The following ADGRL3 variants were observed in gnomAD, a reference collection of about 807,000 sequenced individuals.
The protein encoded by ADGRL3 is adhesion G protein-coupled receptor L3, also known as calcium-independent alpha-latrotoxin receptor 3.
In ADGRL3, 62 loss-of-function variants were observed where a neutral mutation model predicts 153.5. The ratio of observed to expected loss-of-function variants is 0.40; its 90% CI spans 0.33 to 0.50. The LOEUF (loss-of-function observed/expected upper bound fraction) is 0.50. ADGRL3 is among the 20% of genes least tolerant of loss of function. The probability of loss-of-function intolerance (pLI) is 0.47; values close to 1 mark genes in which losing one functional copy is unlikely to be tolerated. For synonymous variants in ADGRL3, 710 were observed against 672.5 expected, an observed-to-expected ratio of 1.06 and a Z score of -0.86; for missense variants, 1,641 against 1,859.4, an observed-to-expected ratio of 0.88 and a Z score of 2.16.
intron 24 of ADGRL3, among the ~76,000 whole-genome samples, chr4:62,042,347 G>T (rs1728825498): frequency 6.6e-6 from 1 of 151,876 alleles, no homozygotes; most frequent in Admixed American, 6.6e-5. Context: ...AGGGGAAAAG[G>T]GACTGAGATG....
intron 1 of ADGRL3, among the ~76,000 whole-genome samples, chr4:61,256,273 C>T (rs1033202032): frequency 6.6e-6 from 1 of 151,934 alleles, no homozygotes; most frequent in African/African-American, 2.4e-5. Context: ...TTTTCTTTAT[C>T]CTTTACTTTT....
intron 5 of ADGRL3, among the ~76,000 whole-genome samples, chr4:61,652,739 C>G (rs1013795447): frequency 6.6e-6 from 1 of 152,136 alleles, no homozygotes; most frequent in Admixed American, 6.6e-5. Context: ...ATATTTCTGT[C>G]ATAATTATAA....
chr4:62,015,527 C>T (rs1354862526), intron 21 of ADGRL3, among the ~76,000 whole-genome samples: 2 of 152,058 alleles, frequency 1.3e-5, no homozygotes, highest in Non-Finnish European at 2.9e-5. Flanking sequence ...AAAGGTAGCA[C>T]ATTTTCTTTG....
At chr4:62,055,299 C>T (rs969043243) in intron 25 of ADGRL3, among the ~76,000 whole-genome samples, 14 of 151,914 alleles carry the variant, frequency 9.2e-5, no homozygotes, top group Non-Finnish European at 1.3e-4. Flanking sequence ...CTAACAATAA[C>T]TTAATCTGTA....
At chr4:61,639,324 G>A (rs1406268308) in intron 5 of ADGRL3, among the ~76,000 whole-genome samples, 1 of 151,888 alleles carries the variant, frequency 6.6e-6, no homozygotes, top group Non-Finnish European at 1.5e-5. Flanking sequence ...ATATGAGTTT[G>A]GGATGATGTT....
chr4:61,874,490 A>T (rs1280221321), intron 9 of ADGRL3, among the ~76,000 whole-genome samples: 1 of 152,060 alleles, frequency 6.6e-6, no homozygotes, highest in African/African-American at 2.4e-5. Context: ...CTCCACCCAC[A>T]TTCAAGGGGT....
intron 25 of ADGRL3, chr4:62,063,477 TCTCTGTC>T: frequency 3.2e-6 from 2 of 626,766 alleles, no homozygotes; most frequent in South Asian, 1.9e-5. Flanking sequence ...TTTTTTTTTT[TCTCTGTC>T]TTTCTATGGG....
chr4:61,886,850 T>C (rs947202817), intron 9 of ADGRL3, among the ~76,000 whole-genome samples: 9 of 151,776 alleles, frequency 5.9e-5, no homozygotes, highest in Non-Finnish European at 1.3e-4. Flanking sequence ...TTTAGCCATG[T>C]TGGCCAGGCT....
At chr4:61,816,399 A>G (rs2097688928) in intron 9 of ADGRL3, among the ~76,000 whole-genome samples, 1 of 152,190 alleles carries the variant, frequency 6.6e-6, no homozygotes, top group Non-Finnish European at 1.5e-5. Flanking sequence ...GGTGATGGTC[A>G]CATGTCTCTC....
intron 8 of ADGRL3, among the ~76,000 whole-genome samples, chr4:61,754,064 T>C (rs1355904401): frequency 1.3e-5 from 2 of 152,196 alleles, no homozygotes; most frequent in Non-Finnish European, 2.9e-5. Flanking sequence ...AGGCTGAGAA[T>C]TCTGTAAGCC....
intron 1 of ADGRL3, among the ~76,000 whole-genome samples, chr4:61,350,037 A>G (rs944073198): frequency 8.0e-4 from 122 of 152,312 alleles, no homozygotes; most frequent in African/African-American, 2.7e-3. Flanking sequence ...GATATATTTC[A>G]TTATTTGAAA....
chr4:61,993,551 C>G (rs200081339), intron 19 of ADGRL3, among the ~76,000 whole-genome samples: 1 of 151,966 alleles, frequency 6.6e-6, no homozygotes, highest in African/African-American at 2.4e-5. Flanking sequence ...CTCGGCCTCC[C>G]AAAGTGTTGG....
chr4:61,692,251 C>T lies in ADGRL3; in HGVS notation c.583+15316C>T, dbSNP rs372619118. On this transcript the variant is annotated intron_variant, in intron 6 of 26. Coordinates refer to ENST00000683033, the MANE Select transcript of ADGRL3 (RefSeq NM_001387552.1). ...GGATTTTTATTTTAAACATAAGGAA[C>T]ATAGAAAAAGAATTAGGTAGCTTGT... is the stretch of plus-strand genomic sequence containing the variant. Among the ~76,000 whole-genome samples the T allele has an allele frequency of 1.6e-4, 25 of 152,082 alleles. 1 individual carries two copies. The highest frequency in any genetic ancestry group is 6.0e-4 in the African/African-American group (25 of 41,524).
At chr4:62,038,545 A>G (rs1007625526) in intron 24 of ADGRL3, among the ~76,000 whole-genome samples, 2 of 152,150 alleles carry the variant, frequency 1.3e-5, no homozygotes, top group African/African-American at 4.8e-5. Flanking sequence ...CCAGTCAAAT[A>G]AAAGACATAG....
chr4:61,954,185 T>C (rs555244462), intron 17 of ADGRL3, among the ~76,000 whole-genome samples: 10 of 152,114 alleles, frequency 6.6e-5, no homozygotes, highest in Non-Finnish European at 1.5e-4. Flanking sequence ...AGTAAAAGGC[T>C]ACTCTGTTCT....
chr4:61,688,418 T>C (rs1414467697), intron 6 of ADGRL3, among the ~76,000 whole-genome samples: 1 of 152,122 alleles, frequency 6.6e-6, no homozygotes, highest in Non-Finnish European at 1.5e-5. Flanking sequence ...ACTAGCTGTG[T>C]TCTAATCAAG....
intron 9 of ADGRL3, among the ~76,000 whole-genome samples, chr4:61,858,990 A>G (rs911558731): frequency 6.6e-6 from 1 of 152,228 alleles, no homozygotes; most frequent in African/African-American, 2.4e-5. Context: ...GGAGTCAATA[A>G]AAGAGATTTG....
chr4:61,243,244 A>G (rs1173100141), intron 1 of ADGRL3, among the ~76,000 whole-genome samples: 2 of 152,104 alleles, frequency 1.3e-5, no homozygotes, highest in African/African-American at 2.4e-5. Context: ...TGCTTTATTA[A>G]TAGTAGATCT....
At chr4:61,229,610 A>G (rs1440554160) in intron 1 of ADGRL3, among the ~76,000 whole-genome samples, 1 of 152,098 alleles carries the variant, frequency 6.6e-6, no homozygotes, top group African/African-American at 2.4e-5. Context: ...GGCTAATATT[A>G]AATGACCCTG....
Sources: gnomAD v4.1 joint callset for allele counts (sites outside exome capture counted in the v4.1 genomes callset) on GRCh38, gnomAD v4.1.1 for gene constraint, MANE v1.5 for transcripts, NCBI Gene and HGNC (gene_info 2026-07-23, HGNC 2026-07-21) for gene names.